ANKRD42: variants seen among roughly 807,000 people sequenced by gnomAD.
The protein encoded by ANKRD42 is ankyrin repeat domain-containing protein 42.
In ANKRD42, 43 loss-of-function variants were observed where a neutral mutation model predicts 51.5. The ratio of observed to expected loss-of-function variants is 0.83; its 90% CI spans 0.65 to 1.08. ANKRD42 has a LOEUF of 1.08. Ranked by LOEUF, ANKRD42 falls within the 50% of genes least tolerant of loss-of-function variation. The pLI, the probability that ANKRD42 is intolerant of heterozygous loss-of-function variation, is 0.00. For missense variants in ANKRD42, 608 were observed against 629.3 expected (o/e 0.97, Z 0.36); for synonymous variants, 203 against 213.0 (o/e 0.95, Z 0.41).
At chr11:83,252,756 C>T (rs1054401357), downstream of ANKRD42, among the ~76,000 whole-genome samples, 1 of 152,006 alleles carries the variant, frequency 6.6e-6, no homozygotes, top group African/African-American at 2.4e-5. Flanking sequence ...TGTAAAAATT[C>T]ATCAAGCTGT....
At position 83,255,789 on chromosome 11, in the gene ANKRD42, C is replaced by T. The variant is rs556193567; in HGVS notation, c.1465-56C>T. 1.6e-4 allele frequency: 216 copies of T among 1,392,854 alleles called. 2 individuals are homozygous for T. In the South Asian group the frequency reaches 2.0e-3, roughly 13 times the overall value. 86.3% of individuals were successfully genotyped at this position (1,392,854 alleles called of 1,614,324 possible). On this transcript the variant is annotated intron_variant, in intron 11 of 11. Coordinates refer to the ANKRD42 transcript ENST00000260047. ...CTTTTGAACAGGCAATGTAGAAAGA[C>T]GAAAATGTGTGCTAGCATGAAAATT...
chr11:83,236,136 A>G (rs931233946), intron 7 of ANKRD42, among the ~76,000 whole-genome samples: 3 of 152,236 alleles, frequency 2.0e-5, no homozygotes, highest in African/African-American at 7.2e-5. Flanking sequence ...AAATAAATAC[A>G]TAAATAACCT....
chr11:83,255,135 C>A (rs921626832), intron 11 of ANKRD42, among the ~76,000 whole-genome samples: 2 of 152,214 alleles, frequency 1.3e-5, no homozygotes, highest in Non-Finnish European at 2.9e-5. Flanking sequence ...TTTTGCTGTT[C>A]TTGGAGCCTC....
intron 9 of ANKRD42, among the ~76,000 whole-genome samples, chr11:83,241,586 T>C (rs1863389152): frequency 6.6e-6 from 1 of 152,122 alleles, no homozygotes. Context: ...ATGGTCAGTG[T>C]GGCTTGAGTA....
chr11:83,220,211 A>G (rs1316274833), intron 5 of ANKRD42, among the ~76,000 whole-genome samples: 1 of 152,184 alleles, frequency 6.6e-6, no homozygotes, highest in Non-Finnish European at 1.5e-5. Flanking sequence ...AACTGGTTCC[A>G]GGCCAACTAA....
intron 7 of ANKRD42, among the ~76,000 whole-genome samples, chr11:83,228,138 A>T (rs974140028): frequency 6.7e-6 from 1 of 148,452 alleles, no homozygotes; most frequent in Non-Finnish European, 1.5e-5. Context: ...GTTAGTTAAG[A>T]TGTGAAATGT....
chr11:83,197,267 G>A (rs1861695789), intron 1 of ANKRD42, among the ~76,000 whole-genome samples: 1 of 151,970 alleles, frequency 6.6e-6, no homozygotes, highest in Admixed American at 6.6e-5. Flanking sequence ...TTTTCATTAT[G>A]TATTTATCCA....
At chr11:83,203,219 T>C (rs1185030327) in intron 2 of ANKRD42, among the ~76,000 whole-genome samples, 1 of 151,996 alleles carries the variant, frequency 6.6e-6, no homozygotes, top group Non-Finnish European at 1.5e-5. Context: ...GGTCTCTAAC[T>C]CCTGACCTCA....
intron 9 of ANKRD42, among the ~76,000 whole-genome samples, chr11:83,241,290 A>G (rs892108059): frequency 9.9e-4 from 150 of 152,222 alleles, no homozygotes; most frequent in African/African-American, 3.3e-3. Context: ...ATTGTCTACT[A>G]TGTGCCAGAC....
intron 7 of ANKRD42, among the ~76,000 whole-genome samples, chr11:83,234,441 T>G (rs961697376): frequency 6.6e-6 from 1 of 152,232 alleles, no homozygotes; most frequent in African/African-American, 2.4e-5. Flanking sequence ...TCAAGTCATT[T>G]CTTAAAAATT....
intron 6 of ANKRD42, among the ~76,000 whole-genome samples, chr11:83,226,953 G>A (rs1480135980): frequency 6.6e-6 from 1 of 152,100 alleles, no homozygotes; most frequent in African/African-American, 2.4e-5. Flanking sequence ...TTTTATATAA[G>A]GGACTTGGGC....
intron 2 of ANKRD42, among the ~76,000 whole-genome samples, chr11:83,201,739 T>C (rs756605702): frequency 2.0e-5 from 3 of 152,258 alleles, no homozygotes; most frequent in Non-Finnish European, 4.4e-5. Context: ...TGACTTGCGT[T>C]TCTCTAATGA....
chr11:83,260,742 A>G (rs1863890751), downstream of ANKRD42: 1 of 152,236 alleles, frequency 6.6e-6, no homozygotes, highest in Admixed American at 6.5e-5. Context: ...TGAAGAACTA[A>G]GATGAAAAGG....
Position 83,248,464 on chromosome 11 carries a change from T to G in ANKRD42, c.*260T>G. 8.8e-7 allele frequency: 1 copy of G among 1,140,516 alleles called. No individual in the cohort carries two copies. Among genetic ancestry groups the G allele is most frequent in the Non-Finnish European group, 1.1e-6 (1 of 931,050 alleles). The allele number at this position is 1,140,516 out of a possible 1,614,324, so 70.6% of individuals were successfully genotyped here. A position where few individuals can be genotyped will look rare whatever the true frequency, so the allele number is the denominator to read the frequency against. On this transcript the variant is annotated 3_prime_UTR_variant, in exon 11 of 11. Transcript: ENST00000533342. The stretch of plus-strand genomic sequence containing the variant: ...AAGGAGAAAATGTTTTCATAAGTAA[T>G]CAATCAGAATTCTAAGACAGCTAGA...
In ANKRD42 at chr11:83,248,153, A is replaced by T; in HGVS notation, c.1533A>T (p.Gln511His). The T allele has an allele frequency of 6.5e-6, 10 of 1,539,338 alleles. No individual in the cohort carries two copies. Among genetic ancestry groups the T allele is most frequent in the Non-Finnish European group, 8.7e-6 (10 of 1,145,190 alleles). ...ATATACAAGAGTGGCCAAGAGTACA[A>T]GCTTTGGGCTGGGGCTCTTTGGACT... Reference protein sequence around the residue: ...KKYIQEWPRVQALGWGSLDLN... With the variant: ...KKYIQEWPRVHALGWGSLDLN... The change falls in exon 11 of 11, where the codon CAA becomes CAT. Residue 511 changes from glutamine to histidine, a missense_variant. Coordinates refer to ENST00000533342, the MANE Select transcript of ANKRD42 (RefSeq NM_001300975.2).
At chr11:83,220,217 A>G (rs1862676022) in intron 5 of ANKRD42, among the ~76,000 whole-genome samples, 1 of 152,186 alleles carries the variant, frequency 6.6e-6, no homozygotes, top group Non-Finnish European at 1.5e-5. Context: ...TTCCAGGCCA[A>G]CTAAAGCTCC....
intron 4 of ANKRD42, 160 bp from the exon 5 acceptor site, chr11:83,211,135 A>G (rs1210123657): frequency 2.3e-6 from 2 of 865,958 alleles, no homozygotes; most frequent in Non-Finnish European, 3.6e-6. Flanking sequence ...TTATTAGCTC[A>G]TATATTCAAA....
At chr11:83,253,285 C>T (rs1342183589), downstream of ANKRD42, among the ~76,000 whole-genome samples, 1 of 152,066 alleles carries the variant, frequency 6.6e-6, no homozygotes, top group Non-Finnish European at 1.5e-5. Context: ...TTGTTTATAC[C>T]CTACTTTTTT....
At chr11:83,245,195 G>C (rs1008934998) in intron 9 of ANKRD42, among the ~76,000 whole-genome samples, 2 of 152,218 alleles carry the variant, frequency 1.3e-5, no homozygotes, top group African/African-American at 2.4e-5. Flanking sequence ...GAACCGCCAT[G>C]CCTGGTCAAT....
Sources: gnomAD v4.1 joint callset for allele counts (sites outside exome capture counted in the v4.1 genomes callset) on GRCh38, gnomAD v4.1.1 for gene constraint, MANE v1.5 for transcripts, NCBI Gene and HGNC (gene_info 2026-07-23, HGNC 2026-07-21) for gene names.